EFNA5: variants seen among roughly 807,000 people sequenced by gnomAD.
EFNA5 encodes ephrin A5, also known as ephrin-A5.
Under a neutral mutation model 22.9 loss-of-function variants are expected in EFNA5, and 5 were observed. The ratio of observed to expected loss-of-function variants is 0.22; its 90% CI spans 0.11 to 0.46. The LOEUF is 0.46. Ranked by LOEUF, EFNA5 falls within the 20% of genes least tolerant of loss-of-function variation. The pLI is 0.99. For synonymous variants in EFNA5, 113 were observed against 112.2 expected, an observed-to-expected ratio of 1.01 and a Z score of -0.04; for missense variants, 237 against 293.3, an observed-to-expected ratio of 0.81 and a Z score of 1.40.
At chr5:107,404,672 A>G (rs1328013252) in intron 2 of EFNA5, among the ~76,000 whole-genome samples, 5 of 152,160 alleles carry the variant, frequency 3.3e-5, no homozygotes, top group Non-Finnish European at 7.3e-5. Flanking sequence ...CGGATATTCA[A>G]TTCCAAGTCT....
intron 1 of EFNA5, among the ~76,000 whole-genome samples, chr5:107,564,825 A>C (rs1748629527): frequency 1.3e-5 from 2 of 152,140 alleles, no homozygotes; most frequent in Non-Finnish European, 2.9e-5. Flanking sequence ...GTCTGATCTA[A>C]GAAGTCTTTA....
At chr5:107,490,409 C>A (rs1746773576) in intron 1 of EFNA5, among the ~76,000 whole-genome samples, 1 of 152,176 alleles carries the variant, frequency 6.6e-6, no homozygotes, top group Non-Finnish European at 1.5e-5. Flanking sequence ...GCTTTTAACA[C>A]ATCCCACCCA....
In EFNA5 at chr5:107,408,188, C is replaced by CACCCATCA. The variant is rs912613323; in HGVS notation, c.418+19028_418+19029insTGATGGGT. Among the ~76,000 whole-genome samples the CACCCATCA allele has an allele frequency of 3.1e-3, 473 of 152,028 alleles. 3 individuals are homozygous for CACCCATCA. Among genetic ancestry groups the CACCCATCA allele is most frequent in the African/African-American group, 0.011 (451 of 41,456 alleles). On this transcript the variant is annotated intron_variant, in intron 2 of 4. Coordinates refer to ENST00000333274, the MANE Select transcript of EFNA5 (RefSeq NM_001962.3). Reference sequence around the variant, plus strand: ...AACAACGCACACACACACACACACACCCATCACCATCACCATCACCATCAC... The same window carrying CACCCATCA: ...AACAACGCACACACACACACACACACACCCATCACCATCACCATCACCATCACCATCAC...
intron 1 of EFNA5, among the ~76,000 whole-genome samples, chr5:107,463,301 T>G (rs911939729): frequency 1.3e-5 from 2 of 152,100 alleles, no homozygotes; most frequent in Non-Finnish European, 2.9e-5. Flanking sequence ...CACACATATA[T>G]TTCATACTTT....
At chr5:107,622,467 T>G (rs1750055894) in intron 1 of EFNA5, among the ~76,000 whole-genome samples, 1 of 152,166 alleles carries the variant, frequency 6.6e-6, no homozygotes, top group Admixed American at 6.5e-5. Context: ...TCACACATCA[T>G]TATCATCTAA....
At chr5:107,568,652 T>A (rs1748713649) in intron 1 of EFNA5, among the ~76,000 whole-genome samples, 1 of 152,194 alleles carries the variant, frequency 6.6e-6, no homozygotes, top group Admixed American at 6.5e-5. Context: ...AGACATAGAC[T>A]TTCTAGACAG....
chr5:107,664,027 C>A (rs1412924465), intron 1 of EFNA5, among the ~76,000 whole-genome samples: 2 of 152,092 alleles, frequency 1.3e-5, no homozygotes, highest in African/African-American at 4.8e-5. Flanking sequence ...CAGCAACTAG[C>A]TAGCCTAAAT....
intron 1 of EFNA5, among the ~76,000 whole-genome samples, chr5:107,450,657 T>A (rs1357420555): frequency 6.6e-6 from 1 of 152,214 alleles, no homozygotes; most frequent in Non-Finnish European, 1.5e-5. Context: ...ATGTATGTGG[T>A]TCATCCACTA....
At chr5:107,409,075 A>G (rs1244631693) in intron 2 of EFNA5, among the ~76,000 whole-genome samples, 10 of 152,222 alleles carry the variant, frequency 6.6e-5, no homozygotes, top group Non-Finnish European at 1.2e-4. Context: ...GTCAGGTTCA[A>G]TTAGAGCCCT....
chr5:107,565,953 C>T (rs184041977), intron 1 of EFNA5, among the ~76,000 whole-genome samples: 6 of 152,286 alleles, frequency 3.9e-5, no homozygotes, highest in Admixed American at 3.9e-4. Context: ...TTGGAATATC[C>T]TTTTGTCATA....
intron 2 of EFNA5, among the ~76,000 whole-genome samples, chr5:107,396,895 C>G (rs1747941407): frequency 6.6e-6 from 1 of 152,002 alleles, no homozygotes; most frequent in African/African-American, 2.4e-5. Context: ...GACCGTAGGA[C>G]AAGGATGTAA....
intron 1 of EFNA5, among the ~76,000 whole-genome samples, chr5:107,596,455 A>G (rs1401994698): frequency 1.3e-5 from 2 of 152,124 alleles, no homozygotes; most frequent in East Asian, 3.9e-4. Flanking sequence ...CTTTTTAAAG[A>G]GTGGATAATA....
intron 1 of EFNA5, among the ~76,000 whole-genome samples, chr5:107,462,542 T>C (rs1432841124): frequency 6.6e-6 from 1 of 152,136 alleles, no homozygotes; most frequent in Non-Finnish European, 1.5e-5. Flanking sequence ...AGCATGGCCC[T>C]TGTAGAGCTA....
chr5:107,547,333 G>A (rs1363340940), intron 1 of EFNA5, among the ~76,000 whole-genome samples: 2 of 152,150 alleles, frequency 1.3e-5, no homozygotes, highest in East Asian at 3.9e-4. Context: ...TGACTTTTGA[G>A]AGGAAAATCA....
At chr5:107,537,896 C>T (rs764834588) in intron 1 of EFNA5, among the ~76,000 whole-genome samples, 3 of 152,174 alleles carry the variant, frequency 2.0e-5, no homozygotes, top group Admixed American at 6.5e-5. Flanking sequence ...AAGCCAGATA[C>T]ACACAAATGA....
intron 2 of EFNA5, among the ~76,000 whole-genome samples, chr5:107,409,009 A>G (rs978994168): frequency 3.3e-5 from 5 of 152,264 alleles, no homozygotes; most frequent in African/African-American, 1.2e-4. Flanking sequence ...GGCCCAGTCC[A>G]AGGTGATAAA....
intron 1 of EFNA5, among the ~76,000 whole-genome samples, chr5:107,442,950 A>C (rs1199937187): frequency 6.6e-6 from 1 of 150,634 alleles, no homozygotes; most frequent in East Asian, 1.9e-4. Context: ...AAAAAAAAAA[A>C]AAACCCTGTG....
chr5:107,649,937 G>A (rs1750696267), intron 1 of EFNA5, among the ~76,000 whole-genome samples: 1 of 152,096 alleles, frequency 6.6e-6, no homozygotes, highest in African/African-American at 2.4e-5. Flanking sequence ...GTAGTCAGTG[G>A]AGGAGCAGAG....
At chr5:107,400,372 TC>T (rs1259190352) in intron 2 of EFNA5, among the ~76,000 whole-genome samples, 3 of 151,622 alleles carry the variant, frequency 2.0e-5, no homozygotes, top group Admixed American at 2.0e-4. Flanking sequence ...CTTCTGTGTA[TC>T]AAAAACTCAT....
Sources: allele counts gnomAD v4.1 joint callset (sites outside exome capture counted in the v4.1 genomes callset), GRCh38; gene constraint gnomAD v4.1.1; transcripts MANE v1.5; gene names NCBI Gene and HGNC (gene_info 2026-07-23, HGNC 2026-07-21).